PDE1C: variants seen among roughly 807,000 people sequenced by gnomAD.
PDE1C encodes phosphodiesterase 1C.
A neutral mutation model predicts 93.1 loss-of-function variants in PDE1C; 62 were observed. The ratio of observed to expected loss-of-function variants is 0.67; its 90% CI spans 0.54 to 0.82. The LOEUF (loss-of-function observed/expected upper bound fraction) is 0.82. Ranked by LOEUF, PDE1C falls within the 40% of genes least tolerant of loss-of-function variation. The pLI is 0.00. For missense variants in PDE1C, 742 were observed against 884.6 expected, an observed-to-expected ratio of 0.84 and a Z score of 2.04; for synonymous variants, 325 against 310.1, an observed-to-expected ratio of 1.05 and a Z score of -0.50.
intron 1 of PDE1C, among the ~76,000 whole-genome samples, chr7:32,054,107 T>G (rs1390046710): frequency 2.3e-5 from 1 of 43,762 alleles, no homozygotes; most frequent in Non-Finnish European, 5.3e-5. Context: ...GTAATAAAAT[T>G]TATATTTTAG....
At chr7:31,774,003 C>T (rs1192314789) in intron 17 of PDE1C, among the ~76,000 whole-genome samples, 1 of 152,152 alleles carries the variant, frequency 6.6e-6, no homozygotes, top group East Asian at 1.9e-4. Flanking sequence ...AAGGGTTATT[C>T]GGCGGATGTG....
chr7:32,385,190 G>A (rs187683982), intron 1 of PDE1C, among the ~76,000 whole-genome samples: 3 of 152,334 alleles, frequency 2.0e-5, no homozygotes, highest in Non-Finnish European at 4.4e-5. Context: ...TGAGAGAGAA[G>A]ATGAATTCAC....
chr7:31,753,623 T>C, intron 17 of PDE1C, 70 bp from the exon 18 acceptor site: 2 of 1,523,730 alleles, frequency 1.3e-6, no homozygotes, highest in Non-Finnish European at 1.8e-6. Context: ...CTAAATATTG[T>C]GAGCAACTTC....
intron 3 of PDE1C, among the ~76,000 whole-genome samples, chr7:32,117,160 C>T (rs2128760853): frequency 6.6e-6 from 1 of 152,264 alleles, no homozygotes; most frequent in East Asian, 1.9e-4. Flanking sequence ...ATATGGTCAA[C>T]TTCTCTTTCT....
the PDE1C span, among the ~76,000 whole-genome samples, chr7:31,674,700 T>C: frequency 2.0e-5 from 3 of 152,170 alleles, no homozygotes; most frequent in Admixed American, 1.3e-4. Flanking sequence ...AAATGATACT[T>C]GTACAATTAG....
chr7:32,201,229 G>C (rs569361687), intron 2 of PDE1C, among the ~76,000 whole-genome samples: 1 of 152,134 alleles, frequency 6.6e-6, no homozygotes, highest in Non-Finnish European at 1.5e-5. Context: ...AAATGAGAAG[G>C]TTTTCAGGTT....
chr7:31,941,691 C>G (rs1805868565), intron 2 of PDE1C: 1 of 152,378 alleles, frequency 6.6e-6, no homozygotes, highest in Non-Finnish European at 1.5e-5. Context: ...ATTTTAGGAA[C>G]TGAACATTGG....
upstream of PDE1C, chr7:32,071,307 G>A (rs1192898946): frequency 2.0e-6 from 2 of 985,452 alleles, no homozygotes; most frequent in South Asian, 4.7e-5. Context: ...CGGAGGTTGG[G>A]CCTGGAGGTC....
intron 9 of PDE1C, among the ~76,000 whole-genome samples, chr7:31,839,651 C>G (rs1244529703): frequency 6.6e-6 from 1 of 152,208 alleles, no homozygotes; most frequent in Admixed American, 6.5e-5. Context: ...GGTATTCATA[C>G]ATAAATCTTT....
the PDE1C span, among the ~76,000 whole-genome samples, chr7:31,709,325 T>G: frequency 6.6e-4 from 101 of 152,328 alleles, no homozygotes; most frequent in African/African-American, 2.4e-3. Flanking sequence ...TTCTTTATCT[T>G]GAAAATGAGG....
chr7:32,206,269 A>G (rs1380286262), intron 2 of PDE1C, among the ~76,000 whole-genome samples: 1 of 152,142 alleles, frequency 6.6e-6, no homozygotes, highest in Non-Finnish European at 1.5e-5. Flanking sequence ...ATTAGGATGC[A>G]GAGGAGCAGG....
intron 3 of PDE1C, among the ~76,000 whole-genome samples, chr7:32,102,645 G>C (rs17160893): frequency 0.12 from 18,629 of 152,214 alleles, 1,993 homozygotes; most frequent in African/African-American, 0.29. Flanking sequence ...GAGGTCTGGA[G>C]TGACAACTGC....
At chr7:32,198,430 ATC>A (rs893854525) in intron 2 of PDE1C, among the ~76,000 whole-genome samples, 1 of 152,238 alleles carries the variant, frequency 6.6e-6, no homozygotes, top group Admixed American at 6.5e-5. Context: ...AAAAGCTTAT[ATC>A]TCTGTTACAT....
chr7:31,642,463 C>T, the PDE1C span, among the ~76,000 whole-genome samples: 4 of 152,176 alleles, frequency 2.6e-5, no homozygotes, highest in Non-Finnish European at 2.9e-5. Flanking sequence ...GACAAGGTGC[C>T]GGAAAGTGTG....
At chr7:31,824,843 C>G (rs1344392109) in intron 13 of PDE1C, 24 bp downstream of exon 13, 1 of 1,610,952 alleles carries the variant, frequency 6.2e-7, no homozygotes, top group Non-Finnish European at 8.5e-7. Flanking sequence ...ACCTCACCCT[C>G]AGCCCTCAAG....
intron 1 of PDE1C, among the ~76,000 whole-genome samples, chr7:32,403,340 T>C (rs1784988277): frequency 6.6e-6 from 1 of 152,234 alleles, no homozygotes; most frequent in African/African-American, 2.4e-5. Context: ...ACTGTAGATT[T>C]CCACTTCCCC....
intron 3 of PDE1C, among the ~76,000 whole-genome samples, chr7:32,144,525 G>A (rs1800717118): frequency 6.6e-6 from 1 of 152,184 alleles, no homozygotes; most frequent in African/African-American, 2.4e-5. Flanking sequence ...ATCCTGAGGG[G>A]CTAAGAGGTG....
chr7:32,029,679 C>A (rs1397134279), intron 2 of PDE1C, among the ~76,000 whole-genome samples: 1 of 151,986 alleles, frequency 6.6e-6, no homozygotes, highest in Non-Finnish European at 1.5e-5. Context: ...AGCAGGATTC[C>A]CACATTCAAT....
chr7:31,919,000 AAAT>A (rs1361595285), intron 2 of PDE1C, among the ~76,000 whole-genome samples: 7 of 152,224 alleles, frequency 4.6e-5, no homozygotes, highest in Non-Finnish European at 1.0e-4. Context: ...GGTTACGTGC[AAAT>A]AATAATAATA....
Sources: allele counts gnomAD v4.1 joint callset (sites outside exome capture counted in the v4.1 genomes callset), GRCh38; gene constraint gnomAD v4.1.1; transcripts MANE v1.5; gene names NCBI Gene and HGNC (gene_info 2026-07-23, HGNC 2026-07-21).